The following EED variants were observed in gnomAD, a reference collection of about 807,000 sequenced individuals.
EED encodes the protein embryonic ectoderm development.
A neutral mutation model predicts 61.0 loss-of-function variants in EED; 9 were observed. The observed-to-expected ratio is 0.15, with a 90% confidence interval of 0.09 to 0.26. The LOEUF (loss-of-function observed/expected upper bound fraction) is 0.26. Ranked by LOEUF, EED falls within the 10% of genes least tolerant of loss-of-function variation. The pLI, the probability that EED is intolerant of heterozygous loss-of-function variation, is 1.00. For missense variants in EED, 315 were observed against 542.3 expected (o/e 0.58, Z 4.16); for synonymous variants, 187 against 174.4 (o/e 1.07, Z -0.57).
downstream of EED, among the ~76,000 whole-genome samples, chr11:86,279,372 C>T (rs1946297994): frequency 6.6e-6 from 1 of 152,024 alleles, no homozygotes; most frequent in Non-Finnish European, 1.5e-5. Context: ...AGTTGTTGCC[C>T]CTTTTCTAGA....
intron 7 of EED, chr11:86,264,882 T>C (rs1475650819): frequency 6.6e-6 from 1 of 152,242 alleles, no homozygotes; most frequent in East Asian, 1.9e-4. Context: ...CCTGTAGTAA[T>C]TTCACATCTC....
rs371131577 is a variant in EED at position 86,266,077 on chromosome 11, A to C, written c.727-6A>C. ...TTTATATAAAACTTTTTGGTTTTGC[A>C]TACAGGATTATGATCTTTTGGGTGA... On this transcript the variant is annotated splice_polypyrimidine_tract_variant and splice_region_variant and intron_variant, in intron 7 of 11. Coordinates refer to ENST00000263360, the MANE Select transcript of EED (RefSeq NM_003797.5). 2 of 1,578,630 alleles carry C rather than the reference A, an allele frequency of 1.3e-6. No homozygotes were observed. The highest frequency in any genetic ancestry group is 1.7e-6 in the Non-Finnish European group (2 of 1,166,480).
intron 9 of EED, among the ~76,000 whole-genome samples, chr11:86,273,941 A>T (rs1272919341): frequency 1.3e-5 from 2 of 152,220 alleles, no homozygotes; most frequent in Non-Finnish European, 2.9e-5. Context: ...GTTCACTGAC[A>T]TTCTTGAAGA....
Position 86,252,150 on chromosome 11 carries a change from A to G in EED, c.270A>G (p.Glu90=), listed in dbSNP as rs997656134. 49 of 1,607,954 alleles carry G rather than the reference A, an allele frequency of 3.0e-5. No individual in the cohort carries two copies. The highest frequency in any genetic ancestry group is 3.7e-5 in the Non-Finnish European group (44 of 1,176,072). ...YSFKCVNSLK[E]DHNQPLFGVQ... ...CTTATTTCATGATTATTTTATAGGA[A>G]GATCATAACCAACCATTGTTTGGAG... is the stretch of plus-strand genomic sequence containing the variant. The change falls in exon 3 of 12, where the codon GAA becomes GAG. Residue 90 remains glutamate, a splice_region_variant and synonymous_variant. Coordinates refer to ENST00000263360, the MANE Select transcript of EED (RefSeq NM_003797.5).
At chr11:86,247,926 A>G (rs975366835) in intron 1 of EED, among the ~76,000 whole-genome samples, 1 of 152,242 alleles carries the variant, frequency 6.6e-6, no homozygotes, top group Non-Finnish European at 1.5e-5. Context: ...CATTTTATTG[A>G]ACTTTTTGAG....
chr11:86,250,288 G>A lies in EED; in HGVS notation c.115-8G>A, dbSNP rs781578795. The A allele has an allele frequency of 1.3e-6, 2 of 1,512,456 alleles. No homozygotes were observed. Among genetic ancestry groups the A allele is most frequent in the Non-Finnish European group, 1.8e-6 (2 of 1,131,404 alleles). The allele number at this position is 1,512,456 out of a possible 1,614,324, so 93.7% of individuals were successfully genotyped here. A position where few individuals can be genotyped will look rare whatever the true frequency, so the allele number is the denominator to read the frequency against. On this transcript the variant is annotated splice_polypyrimidine_tract_variant and splice_region_variant and intron_variant, in intron 1 of 11. Transcript: ENST00000263360. ...TTCATGTAATTTTTCCTCATTTACTGCTTACAGGATGACGCTGTCAGTATA... is the reference window on the plus strand; with the variant it reads ...TTCATGTAATTTTTCCTCATTTACTACTTACAGGATGACGCTGTCAGTATA...
At position 86,245,103 on chromosome 11, in the gene EED, TGG is replaced by T; in HGVS notation, c.-120_-119del. 1.7e-6 allele frequency: 1 copy of T among 573,480 alleles called. No homozygotes were observed. Among genetic ancestry groups the T allele is most frequent in the Non-Finnish European group, 2.9e-6 (1 of 346,756 alleles). The allele number at this position is 573,480 out of a possible 1,614,324, so 35.5% of individuals were successfully genotyped here. A position where few individuals can be genotyped will look rare whatever the true frequency, so the allele number is the denominator to read the frequency against. On this transcript the variant is annotated 5_prime_UTR_variant, in exon 1 of 12. Coordinates refer to ENST00000263360, the MANE Select transcript of EED (RefSeq NM_003797.5). The stretch of plus-strand genomic sequence containing the variant: ...GGCGGCTGGGCGCGATTTGCGACAG[TGG>T]GGGGGGCGGTGGAGGTGGCGGCGGC...
rs1946262078 is a variant in EED, at chr11:86,277,642, C to T, written c.1126-276C>T. 1.3e-5 allele frequency: 3 copies of T among 236,076 alleles called. No homozygotes were observed. In the East Asian group the frequency reaches 2.3e-4, roughly 18 times the overall value. 14.6% of individuals were successfully genotyped at this position (236,076 alleles called of 1,614,324 possible). Reference sequence around the variant, plus strand: ...CAGCATTTGCTGTATTTCTTGAAGGCAGAAGAAAAAGTAAGTACCATGCTA... The same window carrying T: ...CAGCATTTGCTGTATTTCTTGAAGGTAGAAGAAAAAGTAAGTACCATGCTA... On this transcript the variant is annotated intron_variant, in intron 10 of 11. Coordinates refer to ENST00000263360, the MANE Select transcript of EED (RefSeq NM_003797.5).
chr11:86,254,643 G>C (rs1232509949), intron 3 of EED, among the ~76,000 whole-genome samples: 2 of 150,360 alleles, frequency 1.3e-5, no homozygotes, highest in African/African-American at 4.9e-5. Flanking sequence ...TTTTTTTTGA[G>C]ACAGAGTTTC....
intron 6 of EED, 70 bp downstream of exon 6, chr11:86,257,666 A>G (rs1945712731): frequency 3.1e-6 from 4 of 1,273,796 alleles, no homozygotes; most frequent in Non-Finnish European, 4.4e-6. Context: ...TAATGTCAAG[A>G]AAACCCTGAC....
At chr11:86,259,741 T>C (rs1945780462) in intron 6 of EED, among the ~76,000 whole-genome samples, 1 of 152,170 alleles carries the variant, frequency 6.6e-6, no homozygotes, top group African/African-American at 2.4e-5. Flanking sequence ...ACTGAGCACA[T>C]GAAAAGATGT....
chr11:86,278,947 T>G (rs1946290207), downstream of EED: 1 of 173,806 alleles, frequency 5.8e-6, no homozygotes, highest in Admixed American at 6.2e-5. Context: ...TTCTCAATGC[T>G]TGGTTCCTTG....
chr11:86,282,613 A>G (rs1255531373), downstream of EED, among the ~76,000 whole-genome samples: 1 of 152,196 alleles, frequency 6.6e-6, no homozygotes, highest in Non-Finnish European at 1.5e-5. Context: ...ACCAAATTAC[A>G]CTTGCCCCAA....
intron 11 of EED, 51 bp downstream of exon 11, chr11:86,278,042 T>C (rs1007437597): frequency 6.8e-7 from 1 of 1,471,916 alleles, no homozygotes; most frequent in South Asian, 1.6e-5. Flanking sequence ...TCTCCACACT[T>C]GTATGCCAAT....
At chr11:86,275,978 C>T (rs1407965643) in intron 9 of EED, among the ~76,000 whole-genome samples, 34 of 152,210 alleles carry the variant, frequency 2.2e-4, no homozygotes. Context: ...CACAGGGCTG[C>T]CACCTGTCAC....
chr11:86,249,398 AG>A (rs1484184527), intron 1 of EED, among the ~76,000 whole-genome samples: 2 of 150,938 alleles, frequency 1.3e-5, no homozygotes, highest in African/African-American at 2.4e-5. Context: ...AAAAAAAAAA[AG>A]GCTTCCTCTG....
At chr11:86,283,641 AC>A (rs1476123938), downstream of EED, among the ~76,000 whole-genome samples, 1 of 152,224 alleles carries the variant, frequency 6.6e-6, no homozygotes, top group Non-Finnish European at 1.5e-5. Context: ...AACAAATAGA[AC>A]TTTTACAAAT....
At chr11:86,283,157 T>G (rs1163441058), downstream of EED, among the ~76,000 whole-genome samples, 1 of 139,346 alleles carries the variant, frequency 7.2e-6, no homozygotes, top group Non-Finnish European at 1.7e-5. Flanking sequence ...ACAAAATAAG[T>G]CTTAAGGAGG....
downstream of EED, chr11:86,278,873 A>G (rs555919307): frequency 5.0e-6 from 1 of 198,254 alleles, no homozygotes; most frequent in Admixed American, 5.8e-5. Context: ...GATTAAGTAT[A>G]GGCTCTAGAA....
Sources: gnomAD v4.1 joint callset for allele counts (sites outside exome capture counted in the v4.1 genomes callset) on GRCh38, gnomAD v4.1.1 for gene constraint, MANE v1.5 for transcripts, NCBI Gene and HGNC (gene_info 2026-07-23, HGNC 2026-07-21) for gene names.